The following OTUD7A variants were observed in gnomAD, a reference collection of about 807,000 sequenced individuals.
The protein encoded by OTUD7A is OTU deubiquitinase 7A, also known as OTU domain-containing protein 7A.
A neutral mutation model predicts 65.7 loss-of-function variants in OTUD7A; 12 were observed. The ratio of observed to expected loss-of-function variants is 0.18; its 90% CI spans 0.12 to 0.30. The LOEUF (loss-of-function observed/expected upper bound fraction) is 0.30, where lower values mean the gene tolerates loss of function less well. Among genes scored for constraint, OTUD7A ranks in the 10% least tolerant of loss-of-function variants. The probability of loss-of-function intolerance (pLI) is 1.00; values close to 1 mark genes in which losing one functional copy is unlikely to be tolerated. For missense variants in OTUD7A, 1,148 were observed against 1,304.8 expected, an observed-to-expected ratio of 0.88 and a Z score of 1.85; for synonymous variants, 641 against 586.3, an observed-to-expected ratio of 1.09 and a Z score of -1.35.
chr15:31,812,694 T>A (rs1896451342), intron 1 of OTUD7A, among the ~76,000 whole-genome samples: 1 of 152,114 alleles, frequency 6.6e-6, no homozygotes. Context: ...AGTGTCCCTA[T>A]CCCCTGCTCC....
intron 1 of OTUD7A, among the ~76,000 whole-genome samples, chr15:31,789,908 C>G (rs1895770490): frequency 1.3e-5 from 2 of 152,134 alleles, no homozygotes; most frequent in Non-Finnish European, 2.9e-5. Context: ...TGCATTTTAA[C>G]CCACCAGCCT....
At chr15:31,866,871 T>A (rs927534535) in intron 1 of OTUD7A, among the ~76,000 whole-genome samples, 3 of 152,178 alleles carry the variant, frequency 2.0e-5, no homozygotes, top group African/African-American at 7.2e-5. Context: ...GTAGTTCAGT[T>A]TTCCACACAA....
intron 1 of OTUD7A, among the ~76,000 whole-genome samples, chr15:31,853,306 G>C (rs4238557): frequency 0.6 from 91,722 of 152,020 alleles, 27,879 homozygotes; most frequent in East Asian, 0.69. Context: ...TCTCAGCTTC[G>C]AGCAAACAAT....
intron 3 of OTUD7A, among the ~76,000 whole-genome samples, chr15:31,640,769 A>T (rs1382411786): frequency 1.3e-5 from 2 of 152,200 alleles, no homozygotes; most frequent in Non-Finnish European, 2.9e-5. Flanking sequence ...ACACTTATAC[A>T]TAGTGAAATG....
rs1334550692 is a variant in OTUD7A, at chr15:31,483,365, C to T, written c.2731G>A (p.Glu911Lys). 2 of 1,290,332 alleles carry T rather than the reference C, an allele frequency of 1.5e-6. No individual in the cohort carries two copies. The highest frequency in any genetic ancestry group is 1.6e-5 in the African/African-American group (1 of 63,042). 79.9% of individuals were successfully genotyped at this position (1,290,332 alleles called of 1,614,324 possible). A position where few individuals can be genotyped will look rare whatever the true frequency, so the allele number is the denominator to read the frequency against. Residue 911 changes from glutamate to lysine, a missense_variant, in exon 13 of 13, where the codon GAG (glutamate) becomes AAG (lysine). Around this residue, in one of 6 missense-constraint regions of OTUD7A, gnomAD observed 842 missense variants for 769.5 expected, o/e 1.09. Transcript: ENST00000307050. ...CGGTAGCAGTAGGAGCAGTAGTGCT[C>T]GGTCTCGGCGCGCCCGTAGAACGCA... ...NCAFYGRAET[E>K]HYCSYCYREE...
intron 3 of OTUD7A, among the ~76,000 whole-genome samples, chr15:31,625,481 T>C (rs886548446): frequency 1.3e-5 from 2 of 150,638 alleles, no homozygotes; most frequent in Non-Finnish European, 3.0e-5. Context: ...TTAAAAAGAC[T>C]GACAACACTA....
intron 1 of OTUD7A, among the ~76,000 whole-genome samples, chr15:31,825,305 T>C (rs971595879): frequency 2.6e-5 from 4 of 152,192 alleles, no homozygotes; most frequent in Non-Finnish European, 4.4e-5. Flanking sequence ...GGAAGCCCCA[T>C]TATCATGGCG....
At chr15:31,768,635 G>A (rs1451346858) in intron 1 of OTUD7A, among the ~76,000 whole-genome samples, 2 of 151,692 alleles carry the variant, frequency 1.3e-5, no homozygotes, top group African/African-American at 4.8e-5. Context: ...CTCCAGCCTA[G>A]GTGACAGAGA....
At chr15:31,715,144 C>T (rs1340337898) in intron 1 of OTUD7A, among the ~76,000 whole-genome samples, 1 of 152,024 alleles carries the variant, frequency 6.6e-6, no homozygotes, top group Non-Finnish European at 1.5e-5. Flanking sequence ...AAAAACAAAA[C>T]AAAACAAAAG....
chr15:31,767,932 TC>T (rs1895132376), intron 1 of OTUD7A: 1 of 1,542,266 alleles, frequency 6.5e-7, no homozygotes, highest in East Asian at 2.2e-5. Flanking sequence ...CATTTTCTGA[TC>T]CCCACCTCCC....
intron 1 of OTUD7A, among the ~76,000 whole-genome samples, chr15:31,806,273 C>T (rs1044824906): frequency 4.6e-5 from 7 of 152,180 alleles, no homozygotes; most frequent in Non-Finnish European, 8.8e-5. Context: ...TGGTGCATCT[C>T]TGGACAGGAC....
chr15:31,785,557 C>G (rs566276621), intron 1 of OTUD7A, among the ~76,000 whole-genome samples: 2 of 152,154 alleles, frequency 1.3e-5, no homozygotes, highest in Non-Finnish European at 2.9e-5. Context: ...CACCTATTAT[C>G]CTGACCAACT....
intron 1 of OTUD7A, among the ~76,000 whole-genome samples, chr15:31,717,610 T>C (rs183995453): frequency 6.6e-6 from 1 of 152,346 alleles, no homozygotes. Flanking sequence ...ATGGTGTATA[T>C]GTGCCACATT....
intron 8 of OTUD7A, among the ~76,000 whole-genome samples, chr15:31,519,251 C>T (rs2041906386): frequency 6.6e-6 from 1 of 152,222 alleles, no homozygotes; most frequent in East Asian, 1.9e-4. Context: ...TTTTCTGCAT[C>T]TATCAAGATG....
At chr15:31,659,033 GAATGAATGAATAAATA>G (rs1892076536) in intron 1 of OTUD7A, among the ~76,000 whole-genome samples, 2 of 113,792 alleles carry the variant, frequency 1.8e-5, no homozygotes, top group African/African-American at 8.1e-5. Context: ...ATGAATGAAT[GAATGAATGAATAAATA>G]AATAAATAAA....
chr15:31,645,562 C>T (rs1891637527), intron 3 of OTUD7A, among the ~76,000 whole-genome samples: 1 of 152,204 alleles, frequency 6.6e-6, no homozygotes, highest in Admixed American at 6.5e-5. Context: ...CAGTATGTAT[C>T]TTATTTTTCT....
At chr15:31,819,669 AT>A (rs1477143834) in intron 1 of OTUD7A, among the ~76,000 whole-genome samples, 1 of 152,018 alleles carries the variant, frequency 6.6e-6, no homozygotes, top group Non-Finnish European at 1.5e-5. Context: ...AAACCACTTC[AT>A]TTTTATACAA....
chr15:31,607,787 A>G (rs1890279430), intron 3 of OTUD7A, among the ~76,000 whole-genome samples: 1 of 152,198 alleles, frequency 6.6e-6, no homozygotes, highest in Non-Finnish European at 1.5e-5. Context: ...AGGCTATACC[A>G]TATAGCCTAG....
intron 1 of OTUD7A, among the ~76,000 whole-genome samples, chr15:31,665,361 T>C (rs1371006067): frequency 6.6e-6 from 1 of 152,218 alleles, no homozygotes; most frequent in African/African-American, 2.4e-5. Context: ...GTTTTCCTTG[T>C]AGAGGTCTTT....
Sources: gnomAD v4.1 joint callset for allele counts (sites outside exome capture counted in the v4.1 genomes callset) on GRCh38, gnomAD v4.1.1 for gene constraint, gnomAD v4.1.1 regional missense constraint, MANE v1.5 for transcripts, NCBI Gene and HGNC (gene_info 2026-07-23, HGNC 2026-07-21) for gene names.